The following FAM53C variants were observed in gnomAD, a reference collection of about 807,000 sequenced individuals.
FAM53C encodes family with sequence similarity 53 member C, also known as protein FAM53C.
Under a neutral mutation model 34.7 loss-of-function variants are expected in FAM53C, and 10 were observed. The ratio of observed to expected loss-of-function variants is 0.29; its 90% CI spans 0.18 to 0.49. The LOEUF (loss-of-function observed/expected upper bound fraction) is 0.49. Among genes scored for constraint, FAM53C ranks in the 20% least tolerant of loss-of-function variants. The probability of loss-of-function intolerance (pLI) is 0.99; values close to 1 mark genes in which losing one functional copy is unlikely to be tolerated. For synonymous variants in FAM53C, 203 were observed against 203.6 expected (o/e 1.00, Z 0.03); for missense variants, 442 against 515.3 (o/e 0.86, Z 1.38).
Position 138,349,658 on chromosome 5 carries a change from C to T in FAM53C, c.*2699C>T, listed in dbSNP as rs967566106. The T allele has an allele frequency of 2.0e-5, 3 of 152,338 alleles. No individual in the cohort carries two copies. Among genetic ancestry groups the T allele is most frequent in the African/African-American group, 7.2e-5 (3 of 41,466 alleles). 9.4% of individuals were successfully genotyped at this position (152,338 alleles called of 1,614,324 possible). A position where few individuals can be genotyped will look rare whatever the true frequency, so the allele number is the denominator to read the frequency against. ...AATCCATAAGTCTGTGTGTGTTAAA[C>T]ATGAGGTTCTGCCTCTGTGGCTGTG... On this transcript the variant is annotated 3_prime_UTR_variant, in exon 5 of 5. Coordinates refer to ENST00000239906, the MANE Select transcript of FAM53C (RefSeq NM_016605.3).
rs757244107 is a variant in FAM53C at position 138,346,826 on chromosome 5, C to T, written c.1046C>T (p.Ser349Phe). The T allele has an allele frequency of 1.9e-6, 3 of 1,614,124 alleles. No individual in the cohort carries two copies. Among genetic ancestry groups the T allele is most frequent in the Non-Finnish European group, 2.5e-6 (3 of 1,180,034 alleles). ...GCTTCCTGCAGCCCCACTGGGGGTT[C>T]CTCCCAGGTGCTGAGTGAAAGCGAA... Reference protein sequence around the residue: ...LSASCSPTGGSSQVLSESEEE... With the variant: ...LSASCSPTGGFSQVLSESEEE... Residue 349 changes from serine to phenylalanine, a missense_variant, in exon 5 of 5, where the codon TCC becomes TTC. Coordinates refer to ENST00000239906, the MANE Select transcript of FAM53C (RefSeq NM_016605.3).
intron 2 of FAM53C, 47 bp downstream of exon 2, chr5:138,341,460 T>C: frequency 6.7e-7 from 1 of 1,492,430 alleles, no homozygotes; most frequent in Non-Finnish European, 9.4e-7. Flanking sequence ...TCCCCCTTTT[T>C]TCTGAGGCTG....
In FAM53C at chr5:138,347,033, G is replaced by T. The variant is rs1761199927; in HGVS notation, c.*74G>T. On this transcript the variant is annotated 3_prime_UTR_variant, in exon 5 of 5. Transcript: ENST00000239906. ...TACTAACAAGTGTCGAGTCCCCAAG[G>T]CTGGGGGCCGAGCCTGGGAATGGGG... 8 of 1,585,828 alleles carry T rather than the reference G, an allele frequency of 5.0e-6. No homozygotes were observed. The highest frequency in any genetic ancestry group is 3.4e-5 in the Admixed American group (2 of 58,504).
chr5:138,337,889 G>C (rs1378296196), upstream of FAM53C: 2 of 1,169,664 alleles, frequency 1.7e-6, no homozygotes, highest in Non-Finnish European at 2.3e-6. Context: ...GACGCGGCCC[G>C]AACCGAGTGG....
rs1190356184 is a variant in FAM53C at position 138,345,691 on chromosome 5, A to G, written c.921+82A>G. The G allele has an allele frequency of 2.7e-6, 4 of 1,488,374 alleles. No individual in the cohort carries two copies. The East Asian group carries it at 9.1e-5, about 34-fold the overall frequency. 92.2% of individuals were successfully genotyped at this position (1,488,374 alleles called of 1,614,324 possible). A position where few individuals can be genotyped will look rare whatever the true frequency, so the allele number is the denominator to read the frequency against. ...CACTTTTGAGCTAGCCCCTAGCTTC[A>G]TTACCCTGCCGCCCCCACCACCAAC... On this transcript the variant is annotated intron_variant, in intron 4 of 4. Transcript: ENST00000239906. The surrounding 1 kb of genome is among the most constrained non-coding windows in gnomAD (Gnocchi z 6.3).
chr5:138,339,123 C>G (rs951291147), intron 1 of FAM53C, among the ~76,000 whole-genome samples: 1 of 152,170 alleles, frequency 6.6e-6, no homozygotes, highest in Non-Finnish European at 1.5e-5. Flanking sequence ...GAGCCCCGTG[C>G]CAGTTGTTAA....
chr5:138,340,648 A>G (rs751785353), intron 1 of FAM53C, among the ~76,000 whole-genome samples: 1 of 152,258 alleles, frequency 6.6e-6, no homozygotes, highest in Non-Finnish European at 1.5e-5. Flanking sequence ...TAAGAAAACA[A>G]ACACTGTATC....
intron 1 of FAM53C, 76 bp from the exon 2 acceptor site, chr5:138,341,108 T>A (rs1761020658): frequency 1.6e-6 from 1 of 641,022 alleles, no homozygotes; most frequent in Admixed American, 2.1e-5. Flanking sequence ...TGCTGTGGTA[T>A]GTGTGCCATG....
At chr5:138,340,753 A>C (rs891589906) in intron 1 of FAM53C, among the ~76,000 whole-genome samples, 2 of 152,222 alleles carry the variant, frequency 1.3e-5, no homozygotes, top group African/African-American at 2.4e-5. Context: ...GCCTACAACC[A>C]CTGTTCTTCC....
At chr5:138,338,193 C>T (rs1165849853), upstream of FAM53C, 1 of 1,285,532 alleles carries the variant, frequency 7.8e-7, no homozygotes, top group Non-Finnish European at 1.0e-6. Flanking sequence ...GGAGCTGTCC[C>T]CCTACTCTCC....
intron 1 of FAM53C, among the ~76,000 whole-genome samples, chr5:138,339,290 C>G (rs1286976867): frequency 6.6e-6 from 1 of 152,166 alleles, no homozygotes; most frequent in East Asian, 1.9e-4. Context: ...GCTGGTTTGC[C>G]TTCTTTTGTG....
chr5:138,341,719 T>C (rs1761038452), intron 2 of FAM53C, 90 bp from the exon 3 acceptor site: 1 of 1,159,462 alleles, frequency 8.6e-7, no homozygotes, highest in Admixed American at 1.7e-5. Flanking sequence ...CTGTAGCTCA[T>C]GAATCGCAGA....
intron 4 of FAM53C, among the ~76,000 whole-genome samples, chr5:138,346,229 C>T (rs1761170336): frequency 6.6e-6 from 1 of 152,224 alleles, no homozygotes; most frequent in African/African-American, 2.4e-5. Context: ...TCTGACTAGG[C>T]ACTGGCAGTA....
intron 1 of FAM53C, among the ~76,000 whole-genome samples, chr5:138,340,675 T>C (rs1261133848): frequency 1.3e-5 from 2 of 152,230 alleles, no homozygotes; most frequent in Non-Finnish European, 2.9e-5. Flanking sequence ...AAAACAATAA[T>C]ATATCAGATG....
chr5:138,341,841 T>C lies in FAM53C; in HGVS notation c.111T>C (p.Cys37=), dbSNP rs1761042495. Residue 37 remains cysteine, a synonymous_variant, in exon 3 of 5, where the codon TGT becomes TGC. Transcript: ENST00000239906. ...PLPDHADISN[C]GNSFQLVSEG... is the part of the protein sequence containing the mutation. ...CTGATCATGCAGACATCTCCAACTG[T>C]GGGAACTCTTTCCAGCTTGTGTCTG... 6.2e-7 allele frequency: 1 copy of C among 1,614,074 alleles called. No individual in the cohort carries two copies. The highest frequency in any genetic ancestry group is 1.3e-5 in the African/African-American group (1 of 74,934).
At position 138,348,002 on chromosome 5, in the gene FAM53C, A is replaced by G. The variant is rs928520808; in HGVS notation, c.*1043A>G. The G allele has an allele frequency of 1.3e-5, 2 of 152,700 alleles. No individual in the cohort carries two copies. The highest frequency in any genetic ancestry group is 4.8e-5 in the African/African-American group (2 of 41,468). 9.5% of individuals were successfully genotyped at this position (152,700 alleles called of 1,614,324 possible). ...AAGTGGCATTCAGTCCCCAGCAGAC[A>G]TGGGTGAGCTCACCCCAGCACTGCT... On this transcript the variant is annotated 3_prime_UTR_variant, in exon 5 of 5. Transcript: ENST00000239906.
intron 1 of FAM53C, among the ~76,000 whole-genome samples, chr5:138,340,365 G>A (rs1761001834): frequency 6.6e-6 from 1 of 152,210 alleles, no homozygotes; most frequent in Admixed American, 6.5e-5. Context: ...GGAATAGATA[G>A]AACAAAATCA....
rs993059715 is a variant in FAM53C, at chr5:138,349,620, A to G, written c.*2661A>G. On this transcript the variant is annotated 3_prime_UTR_variant, in exon 5 of 5. Coordinates refer to ENST00000239906, the MANE Select transcript of FAM53C (RefSeq NM_016605.3). ...AAAAAATTTTCGTAAACTTTGTTTT[A>G]TATTAAAAGAAAAATCCATAAGTCT... is the stretch of plus-strand genomic sequence containing the variant. 3 of 152,572 alleles carry G rather than the reference A, an allele frequency of 2.0e-5. No homozygotes were observed. Among genetic ancestry groups the G allele is most frequent in the Non-Finnish European group, 2.9e-5 (2 of 68,046 alleles). The allele number at this position is 152,572 out of a possible 1,614,324, so 9.5% of individuals were successfully genotyped here.
In FAM53C at chr5:138,338,303, C is replaced by T. The variant is rs568779655; in HGVS notation, c.-157C>T. ...GCCGCGGCCCTGGGAGCTGGAGGAA[C>T]CGCGGTAGGTGGTGGAGGGCAGGTG... On this transcript the variant is annotated 5_prime_UTR_variant, in exon 1 of 5. Coordinates refer to ENST00000239906, the MANE Select transcript of FAM53C (RefSeq NM_016605.3). The T allele has an allele frequency of 3.3e-5, 20 of 607,328 alleles. No homozygotes were observed. The highest frequency in any genetic ancestry group is 3.0e-4 in the African/African-American group (16 of 52,470). 37.6% of individuals were successfully genotyped at this position (607,328 alleles called of 1,614,324 possible).
Sources: allele counts gnomAD v4.1 joint callset (sites outside exome capture counted in the v4.1 genomes callset), GRCh38; gene constraint gnomAD v4.1.1; non-coding constraint Gnocchi (gnomAD v3.1); transcripts MANE v1.5; gene names NCBI Gene and HGNC (gene_info 2026-07-23, HGNC 2026-07-21).